The following PDCD1LG2 variants were observed in gnomAD, a reference collection of about 807,000 sequenced individuals.
The protein encoded by PDCD1LG2 is B7 dendritic cell molecule.
PDCD1LG2 carries 32 observed loss-of-function variants against 28.2 expected under a neutral mutation model. That is an observed-to-expected ratio of 1.13 (90% confidence interval 0.86 to 1.52). The LOEUF is 1.52. Among genes scored for constraint, PDCD1LG2 ranks in the 40% most tolerant of loss-of-function variants. The pLI is 0.00. For missense variants in PDCD1LG2, 385 were observed against 323.8 expected (o/e 1.19, Z -1.45); for synonymous variants, 116 against 120.2 (o/e 0.97, Z 0.23).
intron 1 of PDCD1LG2, among the ~76,000 whole-genome samples, chr9:5,515,728 C>T (rs1412824203): frequency 6.6e-6 from 1 of 151,782 alleles, no homozygotes; most frequent in Non-Finnish European, 1.5e-5. Context: ...TCGAGACCAG[C>T]TTGGCCAAGA....
In PDCD1LG2 at chr9:5,569,612, C is replaced by G. The variant is rs909951616; in HGVS notation, c.817-342C>G. On this transcript the variant is annotated intron_variant, in intron 6 of 6. Coordinates refer to ENST00000397747, the MANE Select transcript of PDCD1LG2 (RefSeq NM_025239.4). This position sits in a 1 kb window ranked among gnomAD's most constrained non-coding sequence, Gnocchi z 4.1. The stretch of plus-strand genomic sequence containing the variant: ...GAGTGCAGCAGGGTGAATAATGAGT[C>G]TGCAGGAATTAATAGAAATATCTGA... Among the ~76,000 whole-genome samples, 1 of 152,140 alleles carries G rather than the reference C, an allele frequency of 6.6e-6. No individual in the cohort carries two copies. Among genetic ancestry groups the G allele is most frequent in the Non-Finnish European group, 1.5e-5 (1 of 68,028 alleles).
At chr9:5,568,498 C>T (rs922675248) in intron 6 of PDCD1LG2, among the ~76,000 whole-genome samples, 1 of 152,182 alleles carries the variant, frequency 6.6e-6, no homozygotes, top group Admixed American at 6.5e-5. Context: ...AGCCTACCCC[C>T]ACTCCCACAC....
intron 1 of PDCD1LG2, among the ~76,000 whole-genome samples, chr9:5,516,982 GGGCGGGA>G (rs1820179210): frequency 6.6e-6 from 1 of 152,206 alleles, no homozygotes; most frequent in Non-Finnish European, 1.5e-5. Context: ...ACTCAGTACG[GGGCGGGA>G]CTCCCACCTG....
At chr9:5,515,450 G>T (rs950152727) in intron 1 of PDCD1LG2, among the ~76,000 whole-genome samples, 1 of 152,182 alleles carries the variant, frequency 6.6e-6, no homozygotes, top group African/African-American at 2.4e-5. Flanking sequence ...AAAAAATGAG[G>T]TATGTGGACA....
At chr9:5,548,934 A>G (rs1473928830) in intron 3 of PDCD1LG2, among the ~76,000 whole-genome samples, 1 of 152,198 alleles carries the variant, frequency 6.6e-6, no homozygotes, top group Non-Finnish European at 1.5e-5. Context: ...CTGGCCTCCA[A>G]TTGTGAAATA....
At chr9:5,522,478 C>T (rs1389044177) in intron 1 of PDCD1LG2, 55 bp from the exon 2 acceptor site, 48 of 1,403,288 alleles carry the variant, frequency 3.4e-5, no homozygotes, top group Non-Finnish European at 4.7e-5. Context: ...GAACAAAGAA[C>T]CAAAGACCCA....
intron 3 of PDCD1LG2, among the ~76,000 whole-genome samples, chr9:5,541,699 T>C (rs1261191147): frequency 6.6e-6 from 1 of 152,194 alleles, no homozygotes; most frequent in East Asian, 1.9e-4. Context: ...ACACATCCCA[T>C]GTTCATGAAT....
At chr9:5,557,857 C>G (rs761245930) in intron 5 of PDCD1LG2, 105 bp downstream of exon 5, 42 of 1,393,384 alleles carry the variant, frequency 3.0e-5, no homozygotes, top group African/African-American at 4.3e-5. Context: ...GCTAAACCCA[C>G]TCAGAGCTTA....
At chr9:5,543,587 C>G (rs1444727479) in intron 3 of PDCD1LG2, among the ~76,000 whole-genome samples, 1 of 145,822 alleles carries the variant, frequency 6.9e-6, no homozygotes, top group Non-Finnish European at 1.5e-5. Flanking sequence ...AAGGAAGAAA[C>G]CAAGGGCAGA....
chr9:5,542,161 T>C (rs1438934255), intron 3 of PDCD1LG2, among the ~76,000 whole-genome samples: 5 of 152,116 alleles, frequency 3.3e-5, no homozygotes, highest in Admixed American at 6.5e-5. Context: ...CCTCATATCT[T>C]ACCTTATAAA....
intron 2 of PDCD1LG2, among the ~76,000 whole-genome samples, chr9:5,534,406 G>A (rs1399425311): frequency 1.3e-5 from 2 of 152,192 alleles, no homozygotes; most frequent in Non-Finnish European, 2.9e-5. Flanking sequence ...TGACTGCAGG[G>A]CTTGGGGGGT....
At chr9:5,522,765 T>C (rs1416768124) in intron 2 of PDCD1LG2, among the ~76,000 whole-genome samples, 164 bp downstream of exon 2, 1 of 150,682 alleles carries the variant, frequency 6.6e-6, no homozygotes, top group Admixed American at 6.6e-5. Context: ...GTCCCCATGG[T>C]GGCTTATACA....
At chr9:5,529,774 T>C (rs1820446992) in intron 2 of PDCD1LG2, among the ~76,000 whole-genome samples, 1 of 152,184 alleles carries the variant, frequency 6.6e-6, no homozygotes, top group Non-Finnish European at 1.5e-5. Flanking sequence ...CCACTTCGCC[T>C]ATCTTTAGAT....
intron 2 of PDCD1LG2, among the ~76,000 whole-genome samples, chr9:5,525,377 G>A (rs1034629187): frequency 6.6e-6 from 1 of 151,130 alleles, no homozygotes; most frequent in African/African-American, 2.4e-5. Flanking sequence ...AACACTTATG[G>A]CGGTATTCTC....
intron 4 of PDCD1LG2, among the ~76,000 whole-genome samples, chr9:5,555,705 C>T (rs896660893): frequency 3.3e-5 from 5 of 152,196 alleles, no homozygotes; most frequent in African/African-American, 1.2e-4. Flanking sequence ...TGTCAAAGCT[C>T]AGTCAGTGCC....
intron 4 of PDCD1LG2, among the ~76,000 whole-genome samples, chr9:5,551,545 T>TG (rs1463037010): frequency 1.3e-5 from 2 of 152,358 alleles, no homozygotes; most frequent in East Asian, 3.9e-4. Context: ...TGGAAGGACT[T>TG]GTTCATCTGC....
chr9:5,548,498 T>C (rs1274529263), intron 3 of PDCD1LG2, among the ~76,000 whole-genome samples: 1 of 152,234 alleles, frequency 6.6e-6, no homozygotes, highest in Non-Finnish European at 1.5e-5. Flanking sequence ...TAAATTCAAT[T>C]CCTTTGGATA....
intron 6 of PDCD1LG2, among the ~76,000 whole-genome samples, chr9:5,567,364 G>A (rs1816686095): frequency 6.6e-6 from 1 of 152,208 alleles, no homozygotes; most frequent in South Asian, 2.1e-4. Flanking sequence ...GTCCTTGTCT[G>A]TGACACACTG....
At chr9:5,533,450 A>G (rs10435813) in intron 2 of PDCD1LG2, among the ~76,000 whole-genome samples, 25,912 of 152,192 alleles carry the variant, frequency 0.17, 2,897 homozygotes, top group Middle Eastern at 0.3. Context: ...ATAGGAAGAA[A>G]AATAAATGCA....
Sources: allele counts gnomAD v4.1 joint callset (sites outside exome capture counted in the v4.1 genomes callset), GRCh38; gene constraint gnomAD v4.1.1; non-coding constraint Gnocchi (gnomAD v3.1); transcripts MANE v1.5; gene names NCBI Gene and HGNC (gene_info 2026-07-23, HGNC 2026-07-21).